The following WDPCP variants were observed in gnomAD, a reference collection of about 807,000 sequenced individuals.
WDPCP encodes WD repeat containing planar cell polarity effector, also known as WD repeat-containing and planar cell polarity effector protein fritz homolog.
In WDPCP, 71 loss-of-function variants were observed where a neutral mutation model predicts 93.1. That is an observed-to-expected ratio of 0.76 (90% CI 0.63 to 0.93). The LOEUF (loss-of-function observed/expected upper bound fraction) is 0.93, where lower values mean the gene tolerates loss of function less well. WDPCP is among the 40% of genes least tolerant of loss of function. The pLI, the probability that WDPCP is intolerant of heterozygous loss-of-function variation, is 0.00. For missense variants in WDPCP, 844 were observed against 887.4 expected (o/e 0.95, Z 0.62); for synonymous variants, 315 against 315.0 (o/e 1.00, Z 0.00).
At chr2:63,341,821 A>G (rs947304691) in intron 12 of WDPCP, among the ~76,000 whole-genome samples, 2 of 152,114 alleles carry the variant, frequency 1.3e-5, no homozygotes, top group African/African-American at 4.8e-5. Flanking sequence ...TTGTCTTAGC[A>G]TCTTATTTTA....
At chr2:63,197,755 T>G (rs1252702862) in intron 14 of WDPCP, among the ~76,000 whole-genome samples, 1 of 152,206 alleles carries the variant, frequency 6.6e-6, no homozygotes, top group Non-Finnish European at 1.5e-5. Context: ...CTTGTTTCAC[T>G]TAATATAATG....
rs1264727529 is a variant in WDPCP at position 63,121,977 on chromosome 2, A to G, written c.*29T>C. ...CAGGCCATGAAAAGTTTAGATATGAAGAAGGCAGTTTTCTTTTTTTCTTAA... is the reference window on the plus strand; with the variant it reads ...CAGGCCATGAAAAGTTTAGATATGAGGAAGGCAGTTTTCTTTTTTTCTTAA... On this transcript the variant is annotated 3_prime_UTR_variant, in exon 18 of 18. Coordinates refer to ENST00000272321, the MANE Select transcript of WDPCP (RefSeq NM_015910.7). 8.7e-6 allele frequency: 14 copies of G among 1,612,812 alleles called. No homozygotes were observed. Among genetic ancestry groups the G allele is most frequent in the African/African-American group, 2.7e-5 (2 of 74,892 alleles).
intron 1 of WDPCP, among the ~76,000 whole-genome samples, chr2:63,543,323 C>T (rs780737977): frequency 2.6e-5 from 4 of 152,026 alleles, no homozygotes; most frequent in Non-Finnish European, 5.9e-5. Context: ...TTAAATTGAT[C>T]CTGATTTTCT....
intron 2 of WDPCP, among the ~76,000 whole-genome samples, chr2:63,691,692 C>G (rs565958821): frequency 1.3e-4 from 20 of 151,838 alleles, no homozygotes; most frequent in Non-Finnish European, 2.5e-4. Flanking sequence ...GTAACTGAAA[C>G]CAGCTGAGAC....
At chr2:63,758,025 C>A (rs1197016765) in intron 2 of WDPCP, among the ~76,000 whole-genome samples, 1 of 151,622 alleles carries the variant, frequency 6.6e-6, no homozygotes, top group East Asian at 1.9e-4. Flanking sequence ...TTTATTAATT[C>A]ATTGAAATTA....
chr2:63,575,389 GGTATATACAGT>G (rs202231854), intron 1 of WDPCP, among the ~76,000 whole-genome samples: 2,585 of 24,722 alleles, frequency 0.1, 226 homozygotes, highest in Middle Eastern at 0.22. Flanking sequence ...GTATATACAC[GGTATATACAGT>G]ATATATACAG....
intron 11 of WDPCP, among the ~76,000 whole-genome samples, chr2:63,380,808 G>C (rs4671495): frequency 6.6e-6 from 1 of 151,912 alleles, no homozygotes; most frequent in African/African-American, 2.4e-5. Flanking sequence ...AAATAAATAT[G>C]TATTGTGGGC....
intron 11 of WDPCP, among the ~76,000 whole-genome samples, chr2:63,381,327 A>C (rs1340288058): frequency 6.6e-6 from 1 of 152,082 alleles, no homozygotes; most frequent in East Asian, 1.9e-4. Flanking sequence ...TCTTAGATAT[A>C]TATCAACAAA....
At chr2:63,398,154 G>A (rs758952333) in intron 10 of WDPCP, among the ~76,000 whole-genome samples, 1 of 152,148 alleles carries the variant, frequency 6.6e-6, no homozygotes, top group Admixed American at 6.6e-5. Flanking sequence ...GGCGTCGTAA[G>A]AAGCAGATAA....
chr2:63,509,768 A>T (rs1047529633), intron 1 of WDPCP, among the ~76,000 whole-genome samples: 2 of 152,222 alleles, frequency 1.3e-5, no homozygotes, highest in Non-Finnish European at 2.9e-5. Context: ...GATCCCACAG[A>T]AATACAAACT....
intron 2 of WDPCP, among the ~76,000 whole-genome samples, chr2:63,741,752 A>G (rs1669717853): frequency 6.6e-6 from 1 of 152,136 alleles, no homozygotes. Context: ...GCAATTTATA[A>G]AAGCACAACA....
rs116793646 is a variant in WDPCP at position 63,382,861 on chromosome 2, C to T, written c.1436-767G>A. Reference sequence around the variant, plus strand: ...TACTAAGCAGTAAAACTTTACTATTCCTTTTGTGTTGGTAAAATCAAAGAA... The same window carrying T: ...TACTAAGCAGTAAAACTTTACTATTTCTTTTGTGTTGGTAAAATCAAAGAA... On this transcript the variant is annotated intron_variant, in intron 10 of 17. Transcript: ENST00000272321. 5.0e-3 allele frequency among the ~76,000 whole-genome samples: 762 copies of T among 152,212 alleles called. 1 individual carries two copies. The highest frequency in any genetic ancestry group is 8.1e-3 in the Non-Finnish European group (549 of 67,998).
chr2:63,349,809 T>G (rs1689452986), intron 12 of WDPCP, among the ~76,000 whole-genome samples: 1 of 152,202 alleles, frequency 6.6e-6, no homozygotes, highest in Non-Finnish European at 1.5e-5. Context: ...ACCCCCTGGT[T>G]TCTTACAGCA....
chr2:63,612,931 CTTT>C (rs553611122), intron 3 of WDPCP, among the ~76,000 whole-genome samples: 5 of 142,236 alleles, frequency 3.5e-5, no homozygotes, highest in Admixed American at 7.0e-5. Context: ...TTCTTTCTTT[CTTT>C]TTTTTTTTTT....
chr2:63,615,290 T>C (rs111980445), intron 3 of WDPCP, among the ~76,000 whole-genome samples: 4 of 152,278 alleles, frequency 2.6e-5, no homozygotes, highest in African/African-American at 9.6e-5. Flanking sequence ...CCTTTCCTTT[T>C]TACGACATAC....
At chr2:63,194,096 A>G (rs1320494152) in intron 14 of WDPCP, among the ~76,000 whole-genome samples, 1 of 152,194 alleles carries the variant, frequency 6.6e-6, no homozygotes, top group African/African-American at 2.4e-5. Context: ...AATTATTACA[A>G]ACCTTTAAAA....
intron 12 of WDPCP, among the ~76,000 whole-genome samples, chr2:63,368,617 C>T (rs906270033): frequency 1.3e-4 from 19 of 151,486 alleles, no homozygotes; most frequent in Admixed American, 4.6e-4. Context: ...TGAGCCACCA[C>T]GCCCAGCCAA....
intron 2 of WDPCP, among the ~76,000 whole-genome samples, chr2:63,770,227 C>G (rs1670205616): frequency 6.6e-6 from 1 of 151,998 alleles, no homozygotes; most frequent in African/African-American, 2.4e-5. Context: ...CCATACCACC[C>G]TGAACGTGTC....
chr2:63,543,969 T>C (rs1704941970), intron 1 of WDPCP, among the ~76,000 whole-genome samples: 1 of 152,104 alleles, frequency 6.6e-6, no homozygotes, highest in Non-Finnish European at 1.5e-5. Context: ...GTGGTATGGT[T>C]AGCTGAGCTT....
Sources: allele counts gnomAD v4.1 joint callset (sites outside exome capture counted in the v4.1 genomes callset), GRCh38; gene constraint gnomAD v4.1.1; transcripts MANE v1.5; gene names NCBI Gene and HGNC (gene_info 2026-07-23, HGNC 2026-07-21).